The following MAN2B2 variants were observed in gnomAD, a reference collection of about 807,000 sequenced individuals.
MAN2B2 encodes the protein mannosidase alpha class 2B member 2.
A neutral mutation model predicts 117.1 loss-of-function variants in MAN2B2; 106 were observed. The ratio of observed to expected loss-of-function variants is 0.90; its 90% confidence interval spans 0.77 to 1.06. The LOEUF (loss-of-function observed/expected upper bound fraction) is 1.06, where lower values mean the gene tolerates loss of function less well. MAN2B2 is among the 50% of genes least tolerant of loss of function. MAN2B2 has a pLI of 0.00. For synonymous variants in MAN2B2, 544 were observed against 595.1 expected (o/e 0.91, Z 1.25); for missense variants, 1,326 against 1,381.4 (o/e 0.96, Z 0.64).
chr4:6,605,288 G>C lies in MAN2B2; in HGVS notation c.1773G>C (p.Leu591=), dbSNP rs145281057. Residue 591 remains leucine, a synonymous_variant, in exon 11 of 19, where the codon CTG becomes CTC. Transcript: ENST00000285599. ...VPVANDCYIV[L]LDQDTNLMHS... is the part of the protein sequence containing the mutation. ...TGGCAAACGACTGCTACATTGTGCTGCTCGACCAGGATACCAACCTGATGC... is the reference window on the plus strand; with the variant it reads ...TGGCAAACGACTGCTACATTGTGCTCCTCGACCAGGATACCAACCTGATGC... 2 of 1,613,564 alleles carry C rather than the reference G, an allele frequency of 1.2e-6. No homozygotes were observed. The highest frequency in any genetic ancestry group is 2.7e-5 in the African/African-American group (2 of 74,938).
At chr4:6,582,109 G>A (rs1726452562) in intron 3 of MAN2B2, among the ~76,000 whole-genome samples, 2 of 152,058 alleles carry the variant, frequency 1.3e-5, no homozygotes, top group Non-Finnish European at 2.9e-5. Flanking sequence ...TCCCGCCTCA[G>A]AGGTGCTGAG....
intron 1 of MAN2B2, among the ~76,000 whole-genome samples, chr4:6,576,267 A>G (rs1424641857): frequency 6.6e-6 from 1 of 152,030 alleles, no homozygotes; most frequent in Non-Finnish European, 1.5e-5. Flanking sequence ...CAGCCCCCCA[A>G]ATTGCACACT....
At chr4:6,617,760 A>T (rs1711963404) in intron 17 of MAN2B2, 1 of 407,010 alleles carries the variant, frequency 2.5e-6, no homozygotes, top group Admixed American at 4.5e-5. Flanking sequence ...AGCTCACTGC[A>T]ACCTCTGCCT....
At chr4:6,579,348 A>G (rs1577270322) in intron 3 of MAN2B2, among the ~76,000 whole-genome samples, 3 of 116,638 alleles carry the variant, frequency 2.6e-5, no homozygotes, top group African/African-American at 9.8e-5. Flanking sequence ...CACCATCACC[A>G]TCACCACCAC....
At chr4:6,583,892 C>T (rs892532488) in intron 3 of MAN2B2, among the ~76,000 whole-genome samples, 5 of 152,190 alleles carry the variant, frequency 3.3e-5, no homozygotes, top group East Asian at 1.9e-4. Flanking sequence ...GGTGAGCACA[C>T]GCACTGTGTT....
At chr4:6,587,995 G>C (rs377669713) in intron 4 of MAN2B2, among the ~76,000 whole-genome samples, 22 of 152,100 alleles carry the variant, frequency 1.4e-4, no homozygotes, top group African/African-American at 5.3e-4. Context: ...CTGTCCTCAA[G>C]CGATCCGCCC....
chr4:6,620,269 A>G (rs1712105975), intron 18 of MAN2B2: 2 of 496,808 alleles, frequency 4.0e-6, no homozygotes, highest in East Asian at 7.2e-5. Flanking sequence ...GTGTGTGTGC[A>G]CTTGTACGTG....
At position 6,619,935 on chromosome 4, in the gene MAN2B2, G is replaced by T. The variant is rs143905063; in HGVS notation, c.2823G>T (p.Leu941=). Residue 941 remains leucine (L), a synonymous_variant, in exon 18 of 19, where the codon CTG becomes CTT. Transcript: ENST00000285599. Reference sequence around the variant, plus strand: ...TGCTCCTCTCCCTGCAGGCTGTGCTGCAGGCGCTGGGGTCCGTGGTGGCAG... The same window carrying T: ...TGCTCCTCTCCCTGCAGGCTGTGCTTCAGGCGCTGGGGTCCGTGGTGGCAG... ...QPVTVNLEAV[L]QALGSVVAVE... is the part of the protein sequence containing the mutation. The T allele has an allele frequency of 8.6e-5, 138 of 1,613,732 alleles. No homozygotes were observed. The African/African-American group carries it at 1.7e-3, about 20-fold the overall frequency.
intron 4 of MAN2B2, among the ~76,000 whole-genome samples, chr4:6,588,679 C>T (rs909225006): frequency 1.3e-5 from 2 of 152,132 alleles, no homozygotes; most frequent in Non-Finnish European, 2.9e-5. Flanking sequence ...CGTGACACTG[C>T]ACTCCTGGGT....
intron 10 of MAN2B2, 30 bp downstream of exon 10, chr4:6,600,786 C>T (rs1415826467): frequency 1.2e-6 from 2 of 1,611,142 alleles, no homozygotes; most frequent in East Asian, 2.2e-5. Context: ...CTGGAGGGGC[C>T]TTAGCTGCTT....
intron 3 of MAN2B2, among the ~76,000 whole-genome samples, chr4:6,580,934 C>T (rs1204224226): frequency 1.3e-5 from 2 of 152,172 alleles, no homozygotes; most frequent in Non-Finnish European, 2.9e-5. Flanking sequence ...CGCTCTGGGG[C>T]AGGAAGAGCC....
chr4:6,596,511 G>GCCCT (rs916553117), intron 7 of MAN2B2, among the ~76,000 whole-genome samples: 3 of 152,154 alleles, frequency 2.0e-5, no homozygotes, highest in Admixed American at 6.5e-5. Context: ...GGAGGGTTCA[G>GCCCT]CCCTCCTGCC....
At chr4:6,579,075 CCACCACCACCAT>C (rs1726208505) in intron 3 of MAN2B2, among the ~76,000 whole-genome samples, 2 of 66,684 alleles carry the variant, frequency 3.0e-5, no homozygotes, top group East Asian at 5.3e-4. Flanking sequence ...ACCATCACCA[CCACCACCACCAT>C]CACCATCACC....
chr4:6,590,309 C>G (rs930832605), intron 5 of MAN2B2, among the ~76,000 whole-genome samples: 1 of 152,112 alleles, frequency 6.6e-6, no homozygotes, highest in Admixed American at 6.5e-5. Flanking sequence ...CACTTGAACC[C>G]GGGAGGCACA....
At chr4:6,583,473 A>G (rs554472737) in intron 3 of MAN2B2, among the ~76,000 whole-genome samples, 1 of 152,328 alleles carries the variant, frequency 6.6e-6, no homozygotes, top group South Asian at 2.1e-4. Flanking sequence ...GCCAATTAAC[A>G]GTTTTGGTCA....
chr4:6,617,507 C>T lies in MAN2B2; in HGVS notation c.2814+15C>T, dbSNP rs1711944412. The T allele has an allele frequency of 6.2e-7, 1 of 1,613,700 alleles. No individual in the cohort carries two copies. Among genetic ancestry groups the T allele is most frequent in the Non-Finnish European group, 8.5e-7 (1 of 1,179,864 alleles). On this transcript the variant is annotated intron_variant, in intron 17 of 18. Transcript: ENST00000285599. ...TGAATCTGGAGGTGAACTTCCCCAC[C>T]CCCATCCAGACCATAAGCCAGGGAA...
At position 6,620,022 on chromosome 4, in the gene MAN2B2, GA is replaced by G. The variant is rs1358884316; in HGVS notation, c.2911del (p.Thr971ArgfsTer144). 1 of 1,612,876 alleles carries G rather than the reference GA, an allele frequency of 6.2e-7. No homozygotes were observed. Among genetic ancestry groups the G allele is most frequent in the Non-Finnish European group, 8.5e-7 (1 of 1,179,532 alleles). ...LSMLHRWSWRTGPGRHRGDTT... is the reference protein window; with the variant it reads ...LSMLHRWSWRXGPGRHRGDTT... ...GCATGCTGCACCGCTGGAGCTGGAG[GA>G]CGGGGCCTGGCCGCCACAGAGGTTT... On this transcript the variant is annotated frameshift_variant, in exon 18 of 19. Coordinates refer to ENST00000285599, the MANE Select transcript of MAN2B2 (RefSeq NM_015274.3). LOFTEE classifies it low-confidence loss of function (END_TRUNC).
Position 6,614,231 on chromosome 4 carries a change from G to T in MAN2B2, c.2577G>T (p.Lys859Asn). 6.2e-7 allele frequency: 1 copy of T among 1,614,092 alleles called. No individual in the cohort carries two copies. Among genetic ancestry groups the T allele is most frequent in the Non-Finnish European group, 8.5e-7 (1 of 1,179,972 alleles). Reference protein sequence around the residue: ...LFGDLAGTAPKLPGPQQQEAV... With the variant: ...LFGDLAGTAPNLPGPQQQEAV... Reference sequence around the variant, plus strand: ...TCTGCCTTGCAGGGACTGCGCCGAAGCTCCCAGGACCCCAGCAGCAAGAGG... The same window carrying T: ...TCTGCCTTGCAGGGACTGCGCCGAATCTCCCAGGACCCCAGCAGCAAGAGG... Residue 859 changes from lysine to asparagine, a missense_variant, in exon 16 of 19, where the codon AAG becomes AAT. Coordinates refer to ENST00000285599, the MANE Select transcript of MAN2B2 (RefSeq NM_015274.3).
chr4:6,621,290 T>C lies in MAN2B2; in HGVS notation c.*5T>C. ...ATTCACTTTCAACAGCAGTGAGCCC[T>C]GGGCAGATGCCCCGGCCCCAGGGCT... is the stretch of plus-strand genomic sequence containing the variant. On this transcript the variant is annotated 3_prime_UTR_variant, in exon 19 of 19. Transcript: ENST00000285599. 6.2e-7 allele frequency: 1 copy of C among 1,612,476 alleles called. No homozygotes were observed. Among genetic ancestry groups the C allele is most frequent in the Non-Finnish European group, 8.5e-7 (1 of 1,178,600 alleles).
Sources: gnomAD v4.1 joint callset for allele counts (sites outside exome capture counted in the v4.1 genomes callset) on GRCh38, gnomAD v4.1.1 for gene constraint, MANE v1.5 for transcripts, NCBI Gene and HGNC (gene_info 2026-07-23, HGNC 2026-07-21) for gene names.